FNDC3A: variants seen among roughly 807,000 people sequenced by gnomAD.
FNDC3A encodes the protein fibronectin type-III domain-containing protein 3A.
A neutral mutation model predicts 148.9 loss-of-function variants in FNDC3A; 32 were observed. That is an observed-to-expected ratio of 0.21 (90% CI 0.16 to 0.29). The LOEUF is 0.29. Ranked by LOEUF, FNDC3A falls within the 10% of genes least tolerant of loss-of-function variation. FNDC3A has a pLI of 1.00. For missense variants in FNDC3A, 1,191 were observed against 1,452.8 expected, an observed-to-expected ratio of 0.82 and a Z score of 2.93; for synonymous variants, 472 against 473.6, an observed-to-expected ratio of 1.00 and a Z score of 0.04.
At chr13:49,000,737 T>A (rs1287830563) in intron 1 of FNDC3A, among the ~76,000 whole-genome samples, 3 of 152,214 alleles carry the variant, frequency 2.0e-5, no homozygotes, top group Non-Finnish European at 4.4e-5. Context: ...TTTGTGTTTT[T>A]AATTTCTTTC....
At chr13:49,200,583 C>T (rs565630216) in intron 23 of FNDC3A, among the ~76,000 whole-genome samples, 17 of 152,044 alleles carry the variant, frequency 1.1e-4, no homozygotes, top group African/African-American at 3.6e-4. Flanking sequence ...TTACTGGAAA[C>T]AGGTCTAATT....
chr13:49,176,408 C>T (rs1289326883), intron 13 of FNDC3A, among the ~76,000 whole-genome samples: 1 of 152,094 alleles, frequency 6.6e-6, no homozygotes, highest in East Asian at 1.9e-4. Context: ...TGCATGTTCT[C>T]ACTCACAAGT....
chr13:49,048,011 T>C (rs1170971902), intron 2 of FNDC3A, among the ~76,000 whole-genome samples: 1 of 152,240 alleles, frequency 6.6e-6, no homozygotes, highest in African/African-American at 2.4e-5. Flanking sequence ...TTCTTCTACA[T>C]GTGGCTTGCC....
chr13:49,090,158 C>T (rs1459502300), intron 3 of FNDC3A, among the ~76,000 whole-genome samples: 2 of 152,194 alleles, frequency 1.3e-5, no homozygotes, highest in South Asian at 2.1e-4. Flanking sequence ...CGCGCTGGCT[C>T]ACACCTGTAA....
intron 3 of FNDC3A, among the ~76,000 whole-genome samples, chr13:49,081,553 G>A (rs533758510): frequency 1.3e-5 from 2 of 152,118 alleles, no homozygotes; most frequent in Non-Finnish European, 2.9e-5. Flanking sequence ...CATCATGTAG[G>A]ACTTAGAACA....
chr13:48,986,382 G>GTTTTTTTTTTTTT, intron 1 of FNDC3A, among the ~76,000 whole-genome samples: 1 of 61,956 alleles, frequency 1.6e-5, no homozygotes, highest in African/African-American at 5.8e-5. Flanking sequence ...GGAGAAGGAA[G>GTTTTTTTTTTTTT]TTGTTTTTTT....
In FNDC3A at chr13:49,209,461, C is replaced by T. The variant is rs1886798900; in HGVS notation, c.*2066C>T. On this transcript the variant is annotated 3_prime_UTR_variant, in exon 26 of 26. Coordinates refer to ENST00000492622, the MANE Select transcript of FNDC3A (RefSeq NM_001079673.2). ...TAAAGATTATAGATACACTACCAAA[C>T]ATATCACCTTAAAATTGTATAAGGC... 6.6e-6 allele frequency: 1 copy of T among 152,568 alleles called. No homozygotes were observed. The highest frequency in any genetic ancestry group is 1.5e-5 in the Non-Finnish European group (1 of 68,022). 9.5% of individuals were successfully genotyped at this position (152,568 alleles called of 1,614,324 possible). A position where few individuals can be genotyped will look rare whatever the true frequency, so the allele number is the denominator to read the frequency against.
chr13:49,166,976 C>T (rs1884498126), intron 8 of FNDC3A, among the ~76,000 whole-genome samples: 1 of 116,038 alleles, frequency 8.6e-6, no homozygotes, highest in African/African-American at 2.7e-5. Flanking sequence ...TAAATATCTT[C>T]CTTAACTCCA....
intron 8 of FNDC3A, among the ~76,000 whole-genome samples, chr13:49,166,714 T>G (rs1483731482): frequency 6.6e-6 from 1 of 152,192 alleles, no homozygotes; most frequent in Non-Finnish European, 1.5e-5. Flanking sequence ...CCCAGCTGAT[T>G]GCAGCCGAGC....
intron 14 of FNDC3A, among the ~76,000 whole-genome samples, chr13:49,183,994 CAAAT>C (rs1025018783): frequency 5.3e-5 from 8 of 152,048 alleles, no homozygotes; most frequent in African/African-American, 1.7e-4. Flanking sequence ...AATAAGCAAA[CAAAT>C]AGATTGTGGT....
chr13:49,170,788 A>G (rs2138052587), intron 10 of FNDC3A, among the ~76,000 whole-genome samples: 1 of 152,334 alleles, frequency 6.6e-6, no homozygotes, highest in East Asian at 1.9e-4. Flanking sequence ...ACTTAATAGT[A>G]TCCCCTCAAA....
intron 2 of FNDC3A, among the ~76,000 whole-genome samples, chr13:49,009,510 C>T (rs768259627): frequency 2.4e-4 from 36 of 152,168 alleles, no homozygotes; most frequent in Non-Finnish European, 4.7e-4. Context: ...TGCGGTAGGG[C>T]TGTGTTTAGT....
At chr13:49,129,558 A>T (rs763643594) in intron 4 of FNDC3A, among the ~76,000 whole-genome samples, 3 of 152,212 alleles carry the variant, frequency 2.0e-5, no homozygotes, top group African/African-American at 7.2e-5. Flanking sequence ...AGAAGCTAAA[A>T]AGCTATCAGC....
At chr13:49,071,190 G>A (rs1395339844) in intron 2 of FNDC3A, among the ~76,000 whole-genome samples, 11 of 149,336 alleles carry the variant, frequency 7.4e-5, no homozygotes, top group African/African-American at 2.5e-4. Context: ...GTGAGCCACC[G>A]TTCCCCAGCC....
Position 49,131,167 on chromosome 13 carries a change from G to T in FNDC3A, c.283G>T (p.Val95Phe), listed in dbSNP as rs773133931. ...TGAAGACAATGGTGTTCGAAGAGTTGTCGTGGTCCCTCAGGCACCAGAGTT... is the reference window on the plus strand; with the variant it reads ...TGAAGACAATGGTGTTCGAAGAGTTTTCGTGGTCCCTCAGGCACCAGAGTT... ...VIEDNGVRRV[V>F]VVPQAPEFHP... The change falls in exon 5 of 26, where the codon GTC becomes TTC. Residue 95 changes from valine to phenylalanine, a missense_variant. Physicochemically the swap from Val to Phe is conservative, Grantham distance 50. This residue lies in a region of FNDC3A where 426 missense variants were observed against 473.2 expected (regional missense o/e 0.90). Coordinates refer to ENST00000492622, the MANE Select transcript of FNDC3A (RefSeq NM_001079673.2). The T allele has an allele frequency of 1.2e-6, 2 of 1,613,642 alleles. No individual in the cohort carries two copies. Among genetic ancestry groups the T allele is most frequent in the Non-Finnish European group, 1.7e-6 (2 of 1,179,688 alleles).
chr13:49,145,355 G>A (rs536461593), intron 7 of FNDC3A, among the ~76,000 whole-genome samples: 5 of 152,146 alleles, frequency 3.3e-5, no homozygotes, highest in South Asian at 4.1e-4. Flanking sequence ...AGTTTCACAC[G>A]TACATCATTT....
At chr13:49,065,320 C>CT (rs1244163665) in intron 2 of FNDC3A, among the ~76,000 whole-genome samples, 22 of 152,130 alleles carry the variant, frequency 1.4e-4, no homozygotes, top group Non-Finnish European at 5.9e-5. Context: ...GGCCCAGTAT[C>CT]TAAGTGCTTA....
chr13:49,002,426 G>A (rs1166649721), intron 1 of FNDC3A, among the ~76,000 whole-genome samples: 1 of 152,038 alleles, frequency 6.6e-6, no homozygotes, highest in Non-Finnish European at 1.5e-5. Context: ...TGATCATGTG[G>A]TACCTTTAAC....
chr13:49,167,348 G>A, intron 9 of FNDC3A, 45 bp downstream of exon 9: 1 of 1,089,346 alleles, frequency 9.2e-7, no homozygotes, highest in South Asian at 1.7e-5. Context: ...CAGCATAAGG[G>A]GTTTTTTTTT....
Sources: allele counts gnomAD v4.1 joint callset (sites outside exome capture counted in the v4.1 genomes callset), GRCh38; gene constraint gnomAD v4.1.1; regional missense constraint gnomAD v4.1.1; transcripts MANE v1.5; gene names NCBI Gene and HGNC (gene_info 2026-07-23, HGNC 2026-07-21).